Variants in H2BC18 observed in about 807,000 individuals in gnomAD.
The protein encoded by H2BC18 is histone H2B type 2-F.
In H2BC18, 8 loss-of-function variants were observed where a neutral mutation model predicts 6.3. The ratio of observed to expected loss-of-function variants is 1.28; its 90% CI spans 0.75 to 2.31. H2BC18 has a LOEUF of 2.31. H2BC18 is among the 30% of genes most tolerant of loss of function. The pLI, the probability that H2BC18 is intolerant of heterozygous loss-of-function variation, is 0.00. For synonymous variants in H2BC18, 104 were observed against 78.1 expected, an observed-to-expected ratio of 1.33 and a Z score of -1.75; for missense variants, 106 against 174.5, an observed-to-expected ratio of 0.61 and a Z score of 2.21.
chr1:149,792,550 G>A (rs1347659930), intron 1 of H2BC18: 1 of 1,176,724 alleles, frequency 8.5e-7, no homozygotes, highest in Non-Finnish European at 1.1e-6. Flanking sequence ...TATTTGGTTT[G>A]ATCCGTAAAT....
chr1:149,811,652 T>G (rs2091975685), downstream of H2BC18: 2 of 488,296 alleles, frequency 4.1e-6, no homozygotes, highest in Non-Finnish European at 3.7e-6. Context: ...CTTCCCTCCA[T>G]CCCTCCCAAA....
At chr1:149,784,152 C>A (rs782606348) in intron 1 of H2BC18, 1 of 1,611,656 alleles carries the variant, frequency 6.2e-7, no homozygotes, top group South Asian at 1.1e-5. Flanking sequence ...GACCTCGACC[C>A]CCAGCTACAG....
intron 1 of H2BC18, among the ~76,000 whole-genome samples, chr1:149,784,815 C>A (rs2091497990): frequency 6.6e-6 from 1 of 151,462 alleles, no homozygotes; most frequent in South Asian, 2.1e-4. Flanking sequence ...CCTTAAAGTT[C>A]TGTTTATATT....
intron 1 of H2BC18, among the ~76,000 whole-genome samples, chr1:149,785,418 T>G (rs1402029885): frequency 2.2e-5 from 3 of 134,150 alleles, no homozygotes; most frequent in Admixed American, 1.5e-4. Flanking sequence ...GTTTTTTTTT[T>G]TTTTTTTTTT....
intron 1 of H2BC18, among the ~76,000 whole-genome samples, chr1:149,795,420 AAAG>A (rs1257241558): frequency 1.7e-5 from 2 of 116,408 alleles, no homozygotes; most frequent in African/African-American, 3.4e-5. Context: ...CAAGGGTTAA[AAAG>A]AAGAGAACAA....
intron 1 of H2BC18, chr1:149,784,152 C>T: frequency 6.2e-7 from 1 of 1,611,656 alleles, no homozygotes; most frequent in Non-Finnish European, 8.5e-7. Context: ...GACCTCGACC[C>T]CCAGCTACAG....
intron 1 of H2BC18, chr1:149,784,344 C>T: frequency 6.2e-7 from 1 of 1,610,950 alleles, no homozygotes; most frequent in Non-Finnish European, 8.5e-7. Flanking sequence ...GTGTGTGTGT[C>T]GATTTATCTG....
At chr1:149,800,262 T>C (rs12016643) in intron 1 of H2BC18, among the ~76,000 whole-genome samples, 2,513 of 152,328 alleles carry the variant, frequency 0.016, 51 homozygotes, top group African/African-American at 0.057. Context: ...CAGGAACCTC[T>C]ACATGTTCAG....
At chr1:149,801,235 C>T (rs2091866073) in intron 1 of H2BC18, among the ~76,000 whole-genome samples, 2 of 151,694 alleles carry the variant, frequency 1.3e-5, no homozygotes, top group Non-Finnish European at 2.9e-5. Flanking sequence ...TTGGTCCACT[C>T]CTGTCTTCTG....
chr1:149,793,162 T>C (rs2091755788), intron 1 of H2BC18: 1 of 1,279,340 alleles, frequency 7.8e-7, no homozygotes, highest in African/African-American at 1.6e-5. Flanking sequence ...GATTGGTAGA[T>C]CACAGGAAAC....
At chr1:149,787,500 A>C (rs2102043365) in intron 1 of H2BC18, 1 of 152,526 alleles carries the variant, frequency 6.6e-6, no homozygotes, top group South Asian at 2.1e-4. Context: ...TAGGATGTTT[A>C]TATCTGGATG....
chr1:149,794,111 C>T, intron 1 of H2BC18: 1 of 463,592 alleles, frequency 2.2e-6, no homozygotes, highest in Non-Finnish European at 4.2e-6. Context: ...ACAGTAGAAG[C>T]AAAGAGACCA....
intron 1 of H2BC18, chr1:149,790,004 G>C: frequency 6.2e-7 from 1 of 1,612,994 alleles, no homozygotes; most frequent in African/African-American, 1.3e-5. Flanking sequence ...TTGTGAAAAG[G>C]ACCTGGATGC....
At chr1:149,806,759 A>G (rs2091921137) in intron 1 of H2BC18, among the ~76,000 whole-genome samples, 1 of 152,250 alleles carries the variant, frequency 6.6e-6, no homozygotes, top group Non-Finnish European at 1.5e-5. Context: ...TCATGCAAGT[A>G]TCTAGGGATG....
chr1:149,812,255 C>G lies in H2BC18; in HGVS notation c.69G>C (p.Gln23His), dbSNP rs1208251706. The change falls in exon 1 of 1, where the codon CAG (glutamine) becomes CAC (histidine). Residue 23 changes from glutamine to histidine, a missense_variant. By Grantham distance (24) the Gln-to-His change is conservative. Transcript: ENST00000369167. ...KGSKKAVTKV[Q>H]KKDGKKRKRS... ...GCTTGCGCTTCTTGCCGTCCTTCTT[C>G]TGCACTTTCGTAACAGCCTTTTTGG... 3.7e-6 allele frequency: 6 copies of G among 1,614,146 alleles called. No individual in the cohort carries two copies. Among genetic ancestry groups the G allele is most frequent in the Non-Finnish European group, 5.1e-6 (6 of 1,180,054 alleles).
intron 1 of H2BC18, among the ~76,000 whole-genome samples, chr1:149,802,920 C>G (rs587614258): frequency 0.01 from 1,592 of 152,272 alleles, 36 homozygotes; most frequent in African/African-American, 0.037. Flanking sequence ...TTGTAGCTAC[C>G]CTGGCAGCCG....
chr1:149,800,953 G>C (rs1553753274), intron 1 of H2BC18, among the ~76,000 whole-genome samples: 1 of 152,232 alleles, frequency 6.6e-6, no homozygotes, highest in African/African-American at 2.4e-5. Context: ...GGTTGTGGTG[G>C]TACATGCCTG....
intron 1 of H2BC18, among the ~76,000 whole-genome samples, chr1:149,798,695 T>G (rs2091827571): frequency 6.6e-6 from 1 of 152,010 alleles, no homozygotes; most frequent in African/African-American, 2.4e-5. Context: ...CACTGCAGCC[T>G]TGACCTCCTA....
chr1:149,805,317 T>C (rs1393072448), intron 1 of H2BC18: 3 of 152,198 alleles, frequency 2.0e-5, no homozygotes, highest in African/African-American at 7.2e-5. Context: ...TAGTGTTCCA[T>C]AAAGTGATGG....
Sources: gnomAD v4.1 joint callset for allele counts (sites outside exome capture counted in the v4.1 genomes callset) on GRCh38, gnomAD v4.1.1 for gene constraint, MANE v1.5 for transcripts, NCBI Gene and HGNC (gene_info 2026-07-23, HGNC 2026-07-21) for gene names.